The following ANKS1B variants were observed in gnomAD, a reference collection of about 807,000 sequenced individuals.
ANKS1B encodes the protein ankyrin repeat and sterile alpha motif domain containing 1B.
ANKS1B carries 36 observed loss-of-function variants against 148.3 expected under a neutral mutation model. That is an observed-to-expected ratio of 0.24 (90% CI 0.19 to 0.32). The LOEUF (loss-of-function observed/expected upper bound fraction) is 0.32. ANKS1B is among the 10% of genes least tolerant of loss of function. The pLI is 1.00. For synonymous variants in ANKS1B, 542 were observed against 560.8 expected (o/e 0.97, Z 0.47); for missense variants, 1,157 against 1,542.6 (o/e 0.75, Z 4.19).
intron 12 of ANKS1B, among the ~76,000 whole-genome samples, chr12:99,327,071 A>AT (rs1356964218): frequency 1.5e-5 from 2 of 133,504 alleles, no homozygotes; most frequent in African/African-American, 5.6e-5. Flanking sequence ...TACAATATAT[A>AT]ATATATTAAT....
At chr12:98,763,873 G>C (rs929564171) in intron 25 of ANKS1B, among the ~76,000 whole-genome samples, 1 of 152,156 alleles carries the variant, frequency 6.6e-6, no homozygotes, top group African/African-American at 2.4e-5. Flanking sequence ...ATCTGCTGAG[G>C]TTTAACTTTA....
At position 99,133,105 on chromosome 12, in the gene ANKS1B, A is replaced by G. The variant is rs191956073; in HGVS notation, c.2526+21184T>C. ...ATTGCTCTGTCGCCCAGGCTGGAGT[A>G]CAGTGGTGCGATCTCGGCTCACTGC... is the stretch of plus-strand genomic sequence containing the variant. On this transcript the variant is annotated intron_variant, in intron 15 of 26. Coordinates refer to ENST00000683438, the MANE Select transcript of ANKS1B (RefSeq NM_001352186.2). 3.8e-4 allele frequency among the ~76,000 whole-genome samples: 52 copies of G among 138,078 alleles called. 1 individual carries two copies. Among genetic ancestry groups the G allele is most frequent in the Admixed American group, 6.3e-4 (8 of 12,670 alleles). 90.6% of individuals were successfully genotyped at this position (138,078 alleles called of 152,430 possible).
At chr12:99,421,589 T>C (rs945216627) in intron 11 of ANKS1B, among the ~76,000 whole-genome samples, 9 of 151,936 alleles carry the variant, frequency 5.9e-5, no homozygotes, top group South Asian at 2.1e-4. Context: ...TTAGAAAGCA[T>C]GGCATTAGGA....
At chr12:99,470,762 A>T (rs1295238654) in intron 10 of ANKS1B, among the ~76,000 whole-genome samples, 3 of 152,118 alleles carry the variant, frequency 2.0e-5, no homozygotes, top group Non-Finnish European at 4.4e-5. Context: ...AATGTCAGTA[A>T]ATTCTAGAAA....
At chr12:99,068,252 A>G (rs1318979762) in intron 16 of ANKS1B, among the ~76,000 whole-genome samples, 2 of 152,196 alleles carry the variant, frequency 1.3e-5, no homozygotes, top group African/African-American at 4.8e-5. Context: ...ACAGGGATAC[A>G]TCAGAATGTG....
chr12:98,936,623 T>TAA (rs201127042), intron 17 of ANKS1B, among the ~76,000 whole-genome samples: 3 of 146,582 alleles, frequency 2.0e-5, no homozygotes, highest in Non-Finnish European at 3.0e-5. Context: ...GAGACTCTGT[T>TAA]AAAAAAAAAA....
intron 17 of ANKS1B, chr12:98,893,593 G>C (rs1048453384): frequency 2.0e-5 from 3 of 151,466 alleles, no homozygotes; most frequent in African/African-American, 7.4e-5. Flanking sequence ...TCCCTTTCCA[G>C]ATGCAGGAGT....
chr12:99,635,300 A>G (rs2098221942), intron 9 of ANKS1B, among the ~76,000 whole-genome samples: 1 of 152,320 alleles, frequency 6.6e-6, no homozygotes, highest in African/African-American at 2.4e-5. Flanking sequence ...AGATATTTCC[A>G]AACCCATATT....
chr12:99,474,742 G>A (rs892061289), intron 10 of ANKS1B, among the ~76,000 whole-genome samples: 2 of 151,990 alleles, frequency 1.3e-5, no homozygotes, highest in South Asian at 2.1e-4. Context: ...ATCATTCTAG[G>A]AGTAAAATCC....
intron 12 of ANKS1B, among the ~76,000 whole-genome samples, chr12:99,255,269 C>T (rs917623337): frequency 6.6e-6 from 1 of 152,032 alleles, no homozygotes; most frequent in Non-Finnish European, 1.5e-5. Flanking sequence ...TTAAAATTCA[C>T]TGGTACAAAA....
At chr12:99,186,029 A>C (rs190071709) in intron 14 of ANKS1B, among the ~76,000 whole-genome samples, 133 of 152,308 alleles carry the variant, frequency 8.7e-4, no homozygotes, top group African/African-American at 3.1e-3. Context: ...GTCTGAAGTC[A>C]ACCTGGGATG....
chr12:99,025,353 C>G (rs991175910), intron 17 of ANKS1B, among the ~76,000 whole-genome samples: 7 of 152,104 alleles, frequency 4.6e-5, no homozygotes, highest in Admixed American at 3.9e-4. Context: ...ATGTGTTTTA[C>G]AATTTTAGAA....
chr12:99,866,313 G>A (rs977447603), intron 1 of ANKS1B, among the ~76,000 whole-genome samples: 9 of 152,044 alleles, frequency 5.9e-5, no homozygotes, highest in Admixed American at 2.6e-4. Context: ...TTTGTTGAAC[G>A]GTGTTTTTAT....
chr12:99,284,402 G>A (rs1008490088), intron 12 of ANKS1B, among the ~76,000 whole-genome samples: 2 of 152,204 alleles, frequency 1.3e-5, no homozygotes, highest in African/African-American at 4.8e-5. Flanking sequence ...ACAATAAAAT[G>A]AGCTGCATTG....
chr12:99,532,635 C>T (rs1357026981), intron 9 of ANKS1B, among the ~76,000 whole-genome samples: 1 of 152,160 alleles, frequency 6.6e-6, no homozygotes, highest in African/African-American at 2.4e-5. Context: ...GCTGGGATTA[C>T]AGGCGTGAGC....
At chr12:99,429,011 T>G (rs1040871680) in intron 11 of ANKS1B, among the ~76,000 whole-genome samples, 2 of 152,058 alleles carry the variant, frequency 1.3e-5, no homozygotes, top group African/African-American at 4.8e-5. Context: ...TATAACTAAC[T>G]CAATAAAATA....
chr12:99,686,354 C>T (rs1337421398), intron 8 of ANKS1B, among the ~76,000 whole-genome samples: 2 of 152,054 alleles, frequency 1.3e-5, no homozygotes, highest in Admixed American at 6.6e-5. Context: ...AAGGCAAAAG[C>T]CTTATCACAC....
chr12:99,232,895 T>C (rs1186973475), intron 14 of ANKS1B, among the ~76,000 whole-genome samples: 1 of 152,074 alleles, frequency 6.6e-6, no homozygotes, highest in Non-Finnish European at 1.5e-5. Flanking sequence ...AATTACCAGC[T>C]ATGTTTCAGG....
intron 15 of ANKS1B, among the ~76,000 whole-genome samples, chr12:99,096,433 T>A (rs2056146712): frequency 6.6e-6 from 1 of 151,898 alleles, no homozygotes; most frequent in South Asian, 2.1e-4. Context: ...TAAAATTCGG[T>A]GATGGGAAAA....
Sources: allele counts gnomAD v4.1 joint callset (sites outside exome capture counted in the v4.1 genomes callset), GRCh38; gene constraint gnomAD v4.1.1; transcripts MANE v1.5; gene names NCBI Gene and HGNC (gene_info 2026-07-23, HGNC 2026-07-21).